TFCP2: variants seen among roughly 807,000 people sequenced by gnomAD.
TFCP2 encodes transcription factor CP2.
Under a neutral mutation model 73.4 loss-of-function variants are expected in TFCP2, and 33 were observed. The observed-to-expected ratio is 0.45, with a 90% confidence interval of 0.34 to 0.60. TFCP2 has a LOEUF of 0.60. Among genes scored for constraint, TFCP2 ranks in the 20% least tolerant of loss-of-function variants. The pLI is 0.01. For synonymous variants in TFCP2, 193 were observed against 211.6 expected (o/e 0.91, Z 0.76); for missense variants, 352 against 604.0 (o/e 0.58, Z 4.37).
Position 51,172,712 on chromosome 12 carries a change from G to A in TFCP2, c.-290C>T, listed in dbSNP as rs1019502920. The A allele has an allele frequency of 3.1e-6, 1 of 318,940 alleles. No individual in the cohort carries two copies. The highest frequency in any genetic ancestry group is 6.0e-6 in the Non-Finnish European group (1 of 165,544). The allele number at this position is 318,940 out of a possible 1,614,324, so 19.8% of individuals were successfully genotyped here. A position where few individuals can be genotyped will look rare whatever the true frequency, so the allele number is the denominator to read the frequency against. ...CTGCAGACTTCCCAGAGGCAGCTCT[G>A]GACTCCCGCACTCCCACTCCTCTTG... On this transcript the variant is annotated 5_prime_UTR_variant, in exon 1 of 15. Coordinates refer to ENST00000257915, the MANE Select transcript of TFCP2 (RefSeq NM_005653.5).
chr12:51,159,185 A>T (rs1941600570), intron 1 of TFCP2, among the ~76,000 whole-genome samples: 1 of 147,314 alleles, frequency 6.8e-6, no homozygotes, highest in Non-Finnish European at 1.5e-5. Context: ...TCTCAAAAAA[A>T]AAAGAAAAAG....
At chr12:51,141,351 A>G (rs1164039035) in intron 1 of TFCP2, among the ~76,000 whole-genome samples, 1 of 152,154 alleles carries the variant, frequency 6.6e-6, no homozygotes, top group Non-Finnish European at 1.5e-5. Context: ...GTACCTCTGC[A>G]GAGAGACATT....
chr12:51,125,663 A>G (rs1940795544), intron 1 of TFCP2, among the ~76,000 whole-genome samples: 2 of 152,246 alleles, frequency 1.3e-5, no homozygotes, highest in African/African-American at 2.4e-5. Flanking sequence ...TCATAAAGAA[A>G]GCCAATTGAG....
At chr12:51,131,109 C>T (rs1444611377) in intron 1 of TFCP2, among the ~76,000 whole-genome samples, 1 of 151,458 alleles carries the variant, frequency 6.6e-6, no homozygotes, top group African/African-American at 2.4e-5. Context: ...GCGGGCGGAT[C>T]ACGGGGTCAG....
intron 1 of TFCP2, among the ~76,000 whole-genome samples, chr12:51,120,177 C>CAAAAAAAAAAAAAAAAAAAAAAAAAAA (rs33982936): frequency 3.5e-5 from 2 of 57,306 alleles, no homozygotes; most frequent in Non-Finnish European, 6.0e-5. Flanking sequence ...GACTCTGTCT[C>CAAAAAAAAAAAAAAAAAAAAAAAAAAA]AAAAAAAAAA....
chr12:51,118,370 C>T (rs373203560), intron 2 of TFCP2, among the ~76,000 whole-genome samples: 17 of 152,184 alleles, frequency 1.1e-4, no homozygotes, highest in African/African-American at 3.9e-4. Flanking sequence ...CTGGCTAACA[C>T]GATGAAACCC....
intron 1 of TFCP2, among the ~76,000 whole-genome samples, chr12:51,122,911 T>G (rs1940719410): frequency 1.3e-5 from 2 of 152,218 alleles, no homozygotes; most frequent in Non-Finnish European, 2.9e-5. Context: ...CTTATCATTC[T>G]CAAATACATC....
chr12:51,137,818 T>C (rs1941095383), intron 1 of TFCP2, among the ~76,000 whole-genome samples: 1 of 152,172 alleles, frequency 6.6e-6, no homozygotes, highest in African/African-American at 2.4e-5. Flanking sequence ...CCAACAGTTT[T>C]GTTTTGTTTT....
chr12:51,098,676 A>G, intron 13 of TFCP2, 100 bp downstream of exon 13: 1 of 1,367,424 alleles, frequency 7.3e-7, no homozygotes, highest in Non-Finnish European at 1.0e-6. Flanking sequence ...AAACCCTCTG[A>G]TCTAGAAAAC....
At chr12:51,171,673 C>T (rs1373260823) in intron 1 of TFCP2, among the ~76,000 whole-genome samples, 4 of 152,320 alleles carry the variant, frequency 2.6e-5, no homozygotes, top group South Asian at 2.1e-4. Flanking sequence ...CCACCGCACC[C>T]GGCCGAAAGG....
chr12:51,108,973 G>A (rs1483597220), intron 6 of TFCP2, 148 bp downstream of exon 6: 1 of 832,702 alleles, frequency 1.2e-6, no homozygotes, highest in Admixed American at 2.9e-5. Flanking sequence ...AGGCATCTTG[G>A]TAATTATTTC....
intron 1 of TFCP2, among the ~76,000 whole-genome samples, chr12:51,161,337 T>C (rs1465821100): frequency 6.6e-6 from 1 of 151,786 alleles, no homozygotes; most frequent in Non-Finnish European, 1.5e-5. Flanking sequence ...CAACAAAAAT[T>C]TGCAAAGCAA....
chr12:51,151,638 G>A (rs1196907090), intron 1 of TFCP2, among the ~76,000 whole-genome samples: 1 of 151,900 alleles, frequency 6.6e-6, no homozygotes, highest in East Asian at 1.9e-4. Flanking sequence ...GGGTTTCACC[G>A]TGTTAGCCAG....
Position 51,141,905 on chromosome 12 carries a change from C to CAA in TFCP2, c.123-23135_123-23134dup, listed in dbSNP as rs34943578. Among the ~76,000 whole-genome samples, 132 of 63,432 alleles carry CAA rather than the reference C, an allele frequency of 2.1e-3. 3 individuals carry two copies. The highest frequency in any genetic ancestry group is 6.4e-3 in the East Asian group (14 of 2,184). 41.6% of individuals were successfully genotyped at this position (63,432 alleles called of 152,430 possible). ...TGAGTGACAGAGTGAGACTCTGTCT[C>CAA]AAAAAAAAAAAAAAAAAAACCAGGC... On this transcript the variant is annotated intron_variant, in intron 1 of 14. Coordinates refer to ENST00000257915, the MANE Select transcript of TFCP2 (RefSeq NM_005653.5).
chr12:51,104,013 G>C, intron 9 of TFCP2, 142 bp downstream of exon 9: 1 of 899,876 alleles, frequency 1.1e-6, no homozygotes, highest in South Asian at 1.4e-5. Context: ...ACAGTATCTG[G>C]TTCATAGTCA....
intron 4 of TFCP2, among the ~76,000 whole-genome samples, chr12:51,113,896 A>T (rs1199205843): frequency 6.6e-6 from 1 of 152,196 alleles, no homozygotes; most frequent in Non-Finnish European, 1.5e-5. Context: ...ATGGTTTACC[A>T]TACAACCTTT....
At chr12:51,168,495 GT>G (rs1592846536) in intron 1 of TFCP2, among the ~76,000 whole-genome samples, 1 of 151,634 alleles carries the variant, frequency 6.6e-6, no homozygotes, top group Non-Finnish European at 1.5e-5. Flanking sequence ...TTTGGTTTTT[GT>G]TTTTTTGAGA....
chr12:51,124,680 T>TC (rs1236397284), intron 1 of TFCP2: 4 of 628,646 alleles, frequency 6.4e-6, no homozygotes, highest in Non-Finnish European at 9.0e-6. Flanking sequence ...CATCAGGCCG[T>TC]CCCCCGCGGT....
Position 51,094,003 on chromosome 12 carries a change from ACACACACAAT to A in TFCP2, c.*1228_*1237del, listed in dbSNP as rs1227885478. The A allele has an allele frequency of 2.0e-5, 3 of 152,076 alleles. No homozygotes were observed. The highest frequency in any genetic ancestry group is 2.0e-4 in the Admixed American group (3 of 15,258). The allele number at this position is 152,076 out of a possible 1,614,324, so 9.4% of individuals were successfully genotyped here. ...TACACACTTACACACACACACACAC[ACACACACAAT>A]CATTCTTAAGGAAGAACAAAAACAT... On this transcript the variant is annotated 3_prime_UTR_variant, in exon 15 of 15. Coordinates refer to ENST00000257915, the MANE Select transcript of TFCP2 (RefSeq NM_005653.5).
Sources: allele counts gnomAD v4.1 joint callset (sites outside exome capture counted in the v4.1 genomes callset), GRCh38; gene constraint gnomAD v4.1.1; transcripts MANE v1.5; gene names NCBI Gene and HGNC (gene_info 2026-07-23, HGNC 2026-07-21).